Variants in PCDH15 observed in about 807,000 individuals in gnomAD.
PCDH15 encodes the protein protocadherin related 15.
Under a neutral mutation model 178.5 loss-of-function variants are expected in PCDH15, and 129 were observed. That is an observed-to-expected ratio of 0.72 (90% CI 0.63 to 0.84). PCDH15 has a LOEUF of 0.84. PCDH15 is among the 40% of genes least tolerant of loss of function. The pLI, the probability that PCDH15 is intolerant of heterozygous loss-of-function variation, is 0.00. For synonymous variants in PCDH15, 800 were observed against 732.0 expected, an observed-to-expected ratio of 1.09 and a Z score of -1.50; for missense variants, 2,230 against 2,099.9, an observed-to-expected ratio of 1.06 and a Z score of -1.21.
At chr10:53,961,428 T>C (rs547049650) in intron 22 of PCDH15, among the ~76,000 whole-genome samples, 4 of 152,152 alleles carry the variant, frequency 2.6e-5, no homozygotes, top group African/African-American at 4.8e-5. Flanking sequence ...CTTATTGGCA[T>C]AGACAACATC....
chr10:53,924,116 T>G (rs974329012), intron 25 of PCDH15, among the ~76,000 whole-genome samples: 1 of 152,136 alleles, frequency 6.6e-6, no homozygotes, highest in African/African-American at 2.4e-5. Flanking sequence ...GGCTGCACTG[T>G]GGGAGCCCCT....
chr10:54,952,548 G>C (rs377644710), intron 2 of PCDH15, among the ~76,000 whole-genome samples: 1 of 151,894 alleles, frequency 6.6e-6, no homozygotes, highest in East Asian at 1.9e-4. Flanking sequence ...AATAACTTGG[G>C]ATTTTGATTG....
chr10:54,668,159 G>T (rs2094602220), intron 1 of PCDH15, among the ~76,000 whole-genome samples: 1 of 151,884 alleles, frequency 6.6e-6, no homozygotes, highest in African/African-American at 2.4e-5. Flanking sequence ...GGGTCTACTA[G>T]ATACCACTCA....
chr10:54,159,449 C>T (rs189852429), intron 13 of PCDH15, among the ~76,000 whole-genome samples: 6 of 152,220 alleles, frequency 3.9e-5, no homozygotes, highest in Admixed American at 1.3e-4. Flanking sequence ...GAAAATATCG[C>T]TCATGACATG....
intron 2 of PCDH15, among the ~76,000 whole-genome samples, chr10:55,433,974 C>T (rs991202213): frequency 6.6e-6 from 1 of 150,748 alleles, no homozygotes; most frequent in East Asian, 1.9e-4. Context: ...ATAATCTTTT[C>T]TAATGCTCTT....
chr10:54,374,646 CTTCCT>C (rs1565115684), intron 4 of PCDH15, among the ~76,000 whole-genome samples: 2 of 151,672 alleles, frequency 1.3e-5, no homozygotes, highest in African/African-American at 4.8e-5. Context: ...TTTTGTAACT[CTTCCT>C]TTCTTTTTTT....
intron 2 of PCDH15, among the ~76,000 whole-genome samples, chr10:55,519,467 C>T (rs1440907846): frequency 2.0e-5 from 3 of 151,902 alleles, no homozygotes; most frequent in African/African-American, 7.3e-5. Context: ...TACACGACCC[C>T]TGTGGTGATG....
chr10:55,116,032 G>A (rs1837621038), intron 2 of PCDH15, among the ~76,000 whole-genome samples: 2 of 152,000 alleles, frequency 1.3e-5, no homozygotes, highest in Non-Finnish European at 1.5e-5. Context: ...ATAATACCCC[G>A]ACCTTTACCC....
At chr10:54,309,594 G>A (rs1030763162) in intron 8 of PCDH15, among the ~76,000 whole-genome samples, 2 of 152,044 alleles carry the variant, frequency 1.3e-5, no homozygotes, top group African/African-American at 4.8e-5. Context: ...AGGAGTTCGA[G>A]ATCAGCCTGA....
chr10:55,612,254 G>GTATACATGTATCTTAACATCA (rs1388064426), intron 2 of PCDH15, among the ~76,000 whole-genome samples: 1 of 151,932 alleles, frequency 6.6e-6, no homozygotes, highest in Admixed American at 6.6e-5. Context: ...GTTCCACAAT[G>GTATACATGTATCTTAACATCA]TATACATGTA....
At position 54,421,664 on chromosome 10, in the gene PCDH15, A is replaced by G. The variant is rs1241776415; in HGVS notation, c.158-42722T>C. ...ATTTATATATGTACATGTGTAGTGT[A>G]TATATACATATATATATATATATAT... On this transcript the variant is annotated intron_variant, in intron 3 of 37. Transcript: ENST00000644397. 1.1e-3 allele frequency among the ~76,000 whole-genome samples: 75 copies of G among 66,652 alleles called. 2 individuals carry two copies. Among genetic ancestry groups the G allele is most frequent in the African/African-American group, 3.1e-3 (39 of 12,766 alleles). 43.7% of individuals were successfully genotyped at this position (66,652 alleles called of 152,430 possible).
intron 2 of PCDH15, among the ~76,000 whole-genome samples, chr10:55,009,582 T>G (rs1564712274): frequency 6.6e-6 from 1 of 152,140 alleles, no homozygotes; most frequent in Admixed American, 6.6e-5. Context: ...TTTCTTTTTA[T>G]GTATAATTTC....
In PCDH15 at chr10:53,805,122, CATA is replaced by C. The variant is rs1253429072; in HGVS notation, c.*1454_*1456del. The C allele has an allele frequency of 6.6e-6, 1 of 151,858 alleles. No individual in the cohort carries two copies. The highest frequency in any genetic ancestry group is 1.5e-5 in the Non-Finnish European group (1 of 67,922). The allele number at this position is 151,858 out of a possible 1,614,324, so 9.4% of individuals were successfully genotyped here. Reference sequence around the variant, plus strand: ...ATTCACTTTGGAAATGAGGAAATAGCATAATAATAAACAATTTTTAAGACGCGA... The same window carrying C: ...ATTCACTTTGGAAATGAGGAAATAGCATAATAAACAATTTTTAAGACGCGA... On this transcript the variant is annotated 3_prime_UTR_variant, in exon 38 of 38. Transcript: ENST00000644397.
chr10:55,215,892 T>C (rs2132176671), intron 1 of PCDH15, among the ~76,000 whole-genome samples: 1 of 152,118 alleles, frequency 6.6e-6, no homozygotes, highest in African/African-American at 2.4e-5. Flanking sequence ...AATCTTGATG[T>C]GTTATGACAC....
chr10:54,677,773 G>A (rs1590996248), intron 1 of PCDH15, among the ~76,000 whole-genome samples: 2 of 152,234 alleles, frequency 1.3e-5, no homozygotes, highest in South Asian at 4.1e-4. Context: ...CTAGTGTATA[G>A]TGTGGCCAAG....
intron 2 of PCDH15, among the ~76,000 whole-genome samples, chr10:54,580,147 C>G (rs2090904333): frequency 6.6e-6 from 1 of 151,806 alleles, no homozygotes; most frequent in Non-Finnish European, 1.5e-5. Flanking sequence ...GAAGTAGAGA[C>G]CCAATAATCC....
At chr10:54,872,199 G>T (rs1031503916) in intron 3 of PCDH15, among the ~76,000 whole-genome samples, 7 of 151,836 alleles carry the variant, frequency 4.6e-5, no homozygotes, top group Non-Finnish European at 1.0e-4. Context: ...GGAGAAAAAA[G>T]ATAAATTATA....
chr10:54,162,588 T>A (rs2045824939), intron 13 of PCDH15, among the ~76,000 whole-genome samples: 1 of 152,136 alleles, frequency 6.6e-6, no homozygotes, highest in African/African-American at 2.4e-5. Flanking sequence ...TCTTAGCAGC[T>A]CCCTTCAGAT....
chr10:54,918,299 T>C (rs1463634539), intron 2 of PCDH15, among the ~76,000 whole-genome samples: 2 of 151,904 alleles, frequency 1.3e-5, no homozygotes, highest in African/African-American at 4.9e-5. Flanking sequence ...GGATAGGTTG[T>C]ATTATATGAA....
Sources: allele counts gnomAD v4.1 joint callset (sites outside exome capture counted in the v4.1 genomes callset), GRCh38; gene constraint gnomAD v4.1.1; transcripts MANE v1.5; gene names NCBI Gene and HGNC (gene_info 2026-07-23, HGNC 2026-07-21).